CD40: variants seen among roughly 807,000 people sequenced by gnomAD.
The protein encoded by CD40 is tumor necrosis factor receptor superfamily member 5.
Under a neutral mutation model 38.5 loss-of-function variants are expected in CD40, and 19 were observed. That is an observed-to-expected ratio of 0.49 (90% CI 0.34 to 0.72). The LOEUF is 0.72. Ranked by LOEUF, CD40 falls within the 30% of genes least tolerant of loss-of-function variation. The pLI is 0.01. For missense variants in CD40, 256 were observed against 344.1 expected (o/e 0.74, Z 2.03); for synonymous variants, 130 against 128.7 (o/e 1.01, Z -0.07).
At position 46,126,633 on chromosome 20, in the gene CD40, T is replaced by C. The variant is rs745435992; in HGVS notation, c.498-7T>C. ...GTGTGTGCATTTGTGCACGTGTCTG[T>C]GCATAGCTGTGAGACCAAAGACCTG... On this transcript the variant is annotated splice_region_variant and splice_polypyrimidine_tract_variant and intron_variant, in intron 5 of 8. Coordinates refer to ENST00000372285, the MANE Select transcript of CD40 (RefSeq NM_001250.6). 4.8e-5 allele frequency: 78 copies of C among 1,614,028 alleles called. No homozygotes were observed. Among genetic ancestry groups the C allele is most frequent in the South Asian group, 7.7e-5 (7 of 91,090 alleles).
At chr20:46,128,453 G>A in intron 8 of CD40, 95 bp downstream of exon 8, 2 of 1,363,712 alleles carry the variant, frequency 1.5e-6, no homozygotes, top group Non-Finnish European at 1.0e-6. Context: ...TTCAGAGTCT[G>A]TCTCTGCAGC....
At position 46,122,243 on chromosome 20, in the gene CD40, G is replaced by A; in HGVS notation, c.141G>A (p.Leu47=). 1 of 1,614,186 alleles carries A rather than the reference G, an allele frequency of 6.2e-7. No individual in the cohort carries two copies. The highest frequency in any genetic ancestry group is 1.1e-5 in the South Asian group (1 of 91,078). Residue 47 remains leucine (L), a synonymous_variant, in exon 3 of 9, where the codon CTG becomes CTA. Transcript: ENST00000372285. The surrounding 1 kb of genome is among the most constrained non-coding windows in gnomAD (Gnocchi z 5.0). ...CCSLCQPGQK[L]VSDCTEFTET... is the part of the protein sequence containing the mutation. ...CCTGATGTTTTCCAGGACAGAAACTGGTGAGTGACTGCACAGAGTTCACTG... is the reference window on the plus strand; with the variant it reads ...CCTGATGTTTTCCAGGACAGAAACTAGTGAGTGACTGCACAGAGTTCACTG...
Position 46,129,230 on chromosome 20 carries a change from G to T in CD40, c.*190G>T. On this transcript the variant is annotated 3_prime_UTR_variant, in exon 9 of 9. Transcript: ENST00000372285. Reference sequence around the variant, plus strand: ...GGATGCAGAAACAGTTCACCTTGAAGAACCTCTCACTTCACCCTGGAGCCC... The same window carrying T: ...GGATGCAGAAACAGTTCACCTTGAATAACCTCTCACTTCACCCTGGAGCCC... The T allele has an allele frequency of 4.6e-6, 3 of 654,684 alleles. No individual in the cohort carries two copies. The highest frequency in any genetic ancestry group is 5.5e-6 in the Non-Finnish European group (2 of 363,638). The allele number at this position is 654,684 out of a possible 1,614,324, so 40.6% of individuals were successfully genotyped here.
intron 1 of CD40, among the ~76,000 whole-genome samples, chr20:46,120,220 C>T (rs961275443): frequency 6.6e-6 from 1 of 152,284 alleles, no homozygotes; most frequent in Admixed American, 6.5e-5. Flanking sequence ...ATTAAAATTG[C>T]CATTTAATGA....
Position 46,122,830 on chromosome 20 carries a change from G to A in CD40, c.403+74G>A, listed in dbSNP as rs2085346384. 1 of 1,576,194 alleles carries A rather than the reference G, an allele frequency of 6.3e-7. No individual in the cohort carries two copies. Among genetic ancestry groups the A allele is most frequent in the Non-Finnish European group, 8.7e-7 (1 of 1,151,140 alleles). ...AGGGCCCAAGGTGAGGGGCTGGGCAGTGGGCACTTAGCCCCAGAGGCAGAG... is the reference window on the plus strand; with the variant it reads ...AGGGCCCAAGGTGAGGGGCTGGGCAATGGGCACTTAGCCCCAGAGGCAGAG... On this transcript the variant is annotated intron_variant, in intron 4 of 8. Transcript: ENST00000372285. This position sits in a 1 kb window ranked among gnomAD's most constrained non-coding sequence, Gnocchi z 5.0.
In CD40 at chr20:46,126,787, G is replaced by A; in HGVS notation, c.559+86G>A. ...TGAGGCACACAGGAACACTGGATGGGAAAAAGGGGAGGGGAGGCAGTTTGG... is the reference window on the plus strand; with the variant it reads ...TGAGGCACACAGGAACACTGGATGGAAAAAAGGGGAGGGGAGGCAGTTTGG... On this transcript the variant is annotated intron_variant, in intron 6 of 8. Coordinates refer to ENST00000372285, the MANE Select transcript of CD40 (RefSeq NM_001250.6). 11 of 1,608,852 alleles carry A rather than the reference G, an allele frequency of 6.8e-6. No individual in the cohort carries two copies. The South Asian group carries it at 1.1e-4, about 16-fold the overall frequency.
At position 46,122,093 on chromosome 20, in the gene CD40, A is replaced by C; in HGVS notation, c.131-140A>C. 8.4e-7 allele frequency: 1 copy of C among 1,189,506 alleles called. No homozygotes were observed. Among genetic ancestry groups the C allele is most frequent in the Non-Finnish European group, 1.2e-6 (1 of 807,840 alleles). The allele number at this position is 1,189,506 out of a possible 1,614,324, so 73.7% of individuals were successfully genotyped here. ...CTGAACTAGGGATCCCAGCTTCTCC[A>C]TCTTCCTCGCCTGATTATGAAGGAT... On this transcript the variant is annotated intron_variant, in intron 2 of 8. Transcript: ENST00000372285. This position sits in a 1 kb window ranked among gnomAD's most constrained non-coding sequence, Gnocchi z 5.0.
At position 46,122,140 on chromosome 20, in the gene CD40, CCCCTA is replaced by C. The variant is rs1326310569; in HGVS notation, c.131-87_131-83del. The stretch of plus-strand genomic sequence containing the variant: ...GGATCCAAGACTTTCATCTTTGAAT[CCCCTA>C]CCCTAAAGCCTGGCCTGATCATTGT... On this transcript the variant is annotated intron_variant, in intron 2 of 8. Coordinates refer to ENST00000372285, the MANE Select transcript of CD40 (RefSeq NM_001250.6). This position sits in a 1 kb window ranked among gnomAD's most constrained non-coding sequence, Gnocchi z 5.0. The C allele has an allele frequency of 2.7e-6, 4 of 1,484,988 alleles. No homozygotes were observed. The highest frequency in any genetic ancestry group is 3.8e-6 in the Non-Finnish European group (4 of 1,063,616). The allele number at this position is 1,484,988 out of a possible 1,614,324, so 92.0% of individuals were successfully genotyped here.
At position 46,122,728 on chromosome 20, in the gene CD40, C is replaced by T. The variant is rs768090085; in HGVS notation, c.375C>T (p.Cys125=). ...AGAGCTGTGTCCTGCACCGCTCATG[C>T]TCGCCCGGCTTTGGGGTCAAGCAGA... ...ACESCVLHRS[C]SPGFGVKQIA... is the part of the protein sequence containing the mutation. Residue 125 remains cysteine, a synonymous_variant, in exon 4 of 9, where the codon TGC becomes TGT. Coordinates refer to ENST00000372285, the MANE Select transcript of CD40 (RefSeq NM_001250.6). The surrounding 1 kb of genome is among the most constrained non-coding windows in gnomAD (Gnocchi z 5.0). The T allele has an allele frequency of 1.9e-6, 3 of 1,614,166 alleles. No homozygotes were observed. Among genetic ancestry groups the T allele is most frequent in the Non-Finnish European group, 2.5e-6 (3 of 1,180,046 alleles).
rs915401390 is a variant in CD40, at chr20:46,126,532, G to C, written c.498-108G>C. The C allele has an allele frequency of 3.0e-6, 4 of 1,314,822 alleles. No individual in the cohort carries two copies. The African/African-American group carries it at 5.8e-5, about 19-fold the overall frequency. The allele number at this position is 1,314,822 out of a possible 1,614,324, so 81.4% of individuals were successfully genotyped here. A position where few individuals can be genotyped will look rare whatever the true frequency, so the allele number is the denominator to read the frequency against. On this transcript the variant is annotated intron_variant, in intron 5 of 8. Coordinates refer to ENST00000372285, the MANE Select transcript of CD40 (RefSeq NM_001250.6). ...TTGTGTGCTCAGTGAACCTGGATTT[G>C]TTGATTGTTGACTGACTCACTCTAG...
At position 46,128,984 on chromosome 20, in the gene CD40, C is replaced by T. The variant is rs774515822; in HGVS notation, c.778C>T (p.Pro260Ser). The T allele has an allele frequency of 8.1e-6, 13 of 1,614,068 alleles. No homozygotes were observed. The Admixed American group carries it at 1.5e-4, about 19-fold the overall frequency. The change falls in exon 9 of 9, where the codon CCG becomes TCG. Residue 260 changes from proline (P) to serine (S), a missense_variant. Coordinates refer to ENST00000372285, the MANE Select transcript of CD40 (RefSeq NM_001250.6). ...GCAGGAGACTTTACATGGATGCCAA[C>T]CGGTCACCCAGGAGGATGGCAAAGA... The part of the protein sequence containing the change: ...PVQETLHGCQ[P>S]VTQEDGKESR...
Position 46,128,084 on chromosome 20 carries a change from G to A in CD40, c.560-54G>A, listed in dbSNP as rs1040122496. ...AGTCTGACAAGTCACAGCAGGTTGA[G>A]GGTAGGGAGAAACTGCAGGTGAGGG... On this transcript the variant is annotated intron_variant, in intron 6 of 8. Transcript: ENST00000372285. The A allele has an allele frequency of 3.7e-6, 6 of 1,613,934 alleles. No homozygotes were observed. The African/African-American group carries it at 5.3e-5, about 14-fold the overall frequency.
chr20:46,126,788 A>G, intron 6 of CD40, 87 bp downstream of exon 6: 1 of 1,607,770 alleles, frequency 6.2e-7, no homozygotes, highest in Non-Finnish European at 8.5e-7. Context: ...ACTGGATGGG[A>G]AAAAGGGGAG....
At chr20:46,128,681 C>G (rs896899558) in intron 8 of CD40, 2 of 664,806 alleles carry the variant, frequency 3.0e-6, no homozygotes, top group Non-Finnish European at 5.3e-6. Flanking sequence ...GCCCCTTAAG[C>G]CCACTGGCTC....
intron 1 of CD40, among the ~76,000 whole-genome samples, chr20:46,120,622 G>T (rs150364560): frequency 1.6e-4 from 24 of 152,318 alleles, no homozygotes; most frequent in African/African-American, 5.8e-4. Context: ...TCAAGAGCAG[G>T]CCTGGGAGGG....
chr20:46,122,731 G>A lies in CD40; in HGVS notation c.378G>A (p.Ser126=), dbSNP rs150312341. The A allele has an allele frequency of 1.2e-5, 19 of 1,614,142 alleles. No homozygotes were observed. In the East Asian group the frequency reaches 2.7e-4, roughly 23 times the overall value. The change falls in exon 4 of 9, where the codon TCG becomes TCA. Residue 126 remains serine (S), a synonymous_variant. Coordinates refer to ENST00000372285, the MANE Select transcript of CD40 (RefSeq NM_001250.6). The surrounding 1 kb of genome is among the most constrained non-coding windows in gnomAD (Gnocchi z 5.0). ...GCTGTGTCCTGCACCGCTCATGCTC[G>A]CCCGGCTTTGGGGTCAAGCAGATTG... ...CESCVLHRSC[S]PGFGVKQIAT...
intron 6 of CD40, chr20:46,127,019 T>G: frequency 4.7e-6 from 2 of 427,654 alleles, no homozygotes; most frequent in Non-Finnish European, 8.8e-6. Flanking sequence ...AATTACATTC[T>G]CTTTACCTAA....
intron 5 of CD40, among the ~76,000 whole-genome samples, chr20:46,125,574 C>T (rs1016332980): frequency 1.3e-4 from 18 of 136,550 alleles, no homozygotes; most frequent in Admixed American, 2.2e-4. Flanking sequence ...AAAAAAAAGA[C>T]TAAAGTACAT....
At chr20:46,127,907 A>G (rs1031149753) in intron 6 of CD40, 27 of 743,058 alleles carry the variant, frequency 3.6e-5, no homozygotes, top group Non-Finnish European at 5.1e-5. Flanking sequence ...AGGTTTGAAT[A>G]TGTGATCTCC....
Sources: gnomAD v4.1 joint callset for allele counts (sites outside exome capture counted in the v4.1 genomes callset) on GRCh38, gnomAD v4.1.1 for gene constraint, Gnocchi (gnomAD v3.1) non-coding constraint, MANE v1.5 for transcripts, NCBI Gene and HGNC (gene_info 2026-07-23, HGNC 2026-07-21) for gene names.